Variants in INSYN2B observed in about 807,000 individuals in gnomAD.
INSYN2B encodes the protein inhibitory synaptic factor family member 2B.
INSYN2B carries 16 observed loss-of-function variants against 41.2 expected under a neutral mutation model. That is an observed-to-expected ratio of 0.39 (90% CI 0.26 to 0.59). The LOEUF (loss-of-function observed/expected upper bound fraction) is 0.59. Ranked by LOEUF, INSYN2B falls within the 20% of genes least tolerant of loss-of-function variation. The pLI is 0.57. For missense variants in INSYN2B, 608 were observed against 646.4 expected (o/e 0.94, Z 0.64); for synonymous variants, 245 against 244.4 (o/e 1.00, Z -0.02).
At chr5:169,871,906 G>A (rs1360788826) in intron 3 of INSYN2B, among the ~76,000 whole-genome samples, 2 of 152,194 alleles carry the variant, frequency 1.3e-5, no homozygotes, top group African/African-American at 4.8e-5. Flanking sequence ...CTCCTTCTAA[G>A]GAGGCAGCCT....
intron 1 of INSYN2B, among the ~76,000 whole-genome samples, chr5:169,978,603 A>G (rs1401582697): frequency 1.3e-5 from 2 of 152,062 alleles, no homozygotes; most frequent in Admixed American, 1.3e-4. Context: ...TGATCACACA[A>G]TACTGGGTTT....
At chr5:169,966,741 A>G (rs1777314797) in intron 1 of INSYN2B, among the ~76,000 whole-genome samples, 5 of 151,998 alleles carry the variant, frequency 3.3e-5, no homozygotes, top group Admixed American at 3.3e-4. Context: ...GTTTCCTACT[A>G]CCTCCATGGA....
intron 1 of INSYN2B, among the ~76,000 whole-genome samples, chr5:169,961,060 T>A (rs751159922): frequency 1.6e-4 from 25 of 152,216 alleles, no homozygotes; most frequent in Non-Finnish European, 3.5e-4. Flanking sequence ...CACCCCAGTA[T>A]ATTGCATGAG....
At chr5:169,904,593 C>G (rs754553422) in intron 1 of INSYN2B, among the ~76,000 whole-genome samples, 28 of 152,118 alleles carry the variant, frequency 1.8e-4, no homozygotes, top group Non-Finnish European at 3.4e-4. Context: ...TCATCTCATT[C>G]TCTCTCATTC....
chr5:169,877,640 A>G (rs992857761), intron 3 of INSYN2B, among the ~76,000 whole-genome samples: 2 of 152,054 alleles, frequency 1.3e-5, no homozygotes, highest in African/African-American at 4.8e-5. Flanking sequence ...GTCTGCATGT[A>G]GTTGCTTGAA....
chr5:169,971,944 A>G (rs1258253765), intron 1 of INSYN2B, among the ~76,000 whole-genome samples: 3 of 152,202 alleles, frequency 2.0e-5, no homozygotes, highest in African/African-American at 4.8e-5. Context: ...GCAATTTCTC[A>G]GTATATATAC....
intron 1 of INSYN2B, among the ~76,000 whole-genome samples, chr5:169,958,752 C>T (rs1299812004): frequency 6.6e-6 from 1 of 152,160 alleles, no homozygotes; most frequent in African/African-American, 2.4e-5. Flanking sequence ...CAATAGAGGG[C>T]ATTCAGGCAG....
chr5:169,878,485 T>G (rs1403112117), intron 3 of INSYN2B, among the ~76,000 whole-genome samples: 1 of 152,234 alleles, frequency 6.6e-6, no homozygotes, highest in Non-Finnish European at 1.5e-5. Context: ...TAAAAATGAT[T>G]GTATTCTAGC....
intron 1 of INSYN2B, among the ~76,000 whole-genome samples, chr5:169,966,525 C>A (rs1777306642): frequency 6.6e-6 from 1 of 152,178 alleles, no homozygotes; most frequent in Non-Finnish European, 1.5e-5. Context: ...GCATTACTTA[C>A]AGAGGCCTGC....
At chr5:169,924,291 CAT>C (rs1482423679) in intron 1 of INSYN2B, among the ~76,000 whole-genome samples, 1 of 152,152 alleles carries the variant, frequency 6.6e-6, no homozygotes, top group Non-Finnish European at 1.5e-5. Flanking sequence ...AAGCTTCAAA[CAT>C]ATATTTTCAA....
At chr5:169,932,983 A>G (rs942948950) in intron 1 of INSYN2B, among the ~76,000 whole-genome samples, 2 of 151,686 alleles carry the variant, frequency 1.3e-5, no homozygotes, top group African/African-American at 4.9e-5. Context: ...TTCTTAGCAC[A>G]CTCTGCCTCT....
At chr5:169,879,260 C>T (rs548560985) in intron 3 of INSYN2B, among the ~76,000 whole-genome samples, 35 of 152,280 alleles carry the variant, frequency 2.3e-4, no homozygotes, top group African/African-American at 7.5e-4. Context: ...AGAGAGATCA[C>T]GGCTTAACAA....
At chr5:169,886,513 G>T (rs540653650) in intron 1 of INSYN2B, among the ~76,000 whole-genome samples, 1 of 152,244 alleles carries the variant, frequency 6.6e-6, no homozygotes, top group African/African-American at 2.4e-5. Context: ...CTATGATAAT[G>T]GGGAGCTCAG....
intron 1 of INSYN2B, among the ~76,000 whole-genome samples, chr5:169,906,738 AG>A (rs1411334454): frequency 6.6e-6 from 1 of 152,146 alleles, no homozygotes; most frequent in Non-Finnish European, 1.5e-5. Context: ...GCCAAATCAC[AG>A]GGAAGACCAT....
At chr5:169,890,435 C>T (rs920719215) in intron 1 of INSYN2B, among the ~76,000 whole-genome samples, 4 of 152,198 alleles carry the variant, frequency 2.6e-5, no homozygotes, top group Non-Finnish European at 5.9e-5. Context: ...ATTCCATACT[C>T]ATCTGAAATC....
Position 169,961,979 on chromosome 5 carries a change from A to AAAAAAAAAAAAAAAAG in INSYN2B, c.-919+18297_-919+18298insCTTTTTTTTTTTTTTT, listed in dbSNP as rs1777106885. Among the ~76,000 whole-genome samples the AAAAAAAAAAAAAAAAG allele has an allele frequency of 2.5e-5, 2 of 79,242 alleles. 1 individual carries two copies. Among genetic ancestry groups the AAAAAAAAAAAAAAAAG allele is most frequent in the East Asian group, 7.1e-4 (2 of 2,816 alleles). 52.0% of individuals were successfully genotyped at this position (79,242 alleles called of 152,430 possible). On this transcript the variant is annotated intron_variant, in intron 1 of 3. Transcript: ENST00000377365. The stretch of plus-strand genomic sequence containing the variant: ...GGGTGAAAAAGTGAGACTCTGTCCC[A>AAAAAAAAAAAAAAAAG]AAAAAAAAAAAAAAAATGGAGAAAA...
At chr5:169,898,749 G>T (rs1482790391) in intron 1 of INSYN2B, among the ~76,000 whole-genome samples, 1 of 152,160 alleles carries the variant, frequency 6.6e-6, no homozygotes, top group Non-Finnish European at 1.5e-5. Flanking sequence ...TAGCCTGAAA[G>T]CACACATGGG....
chr5:169,941,462 G>A (rs1581449879), intron 1 of INSYN2B, among the ~76,000 whole-genome samples: 1 of 152,152 alleles, frequency 6.6e-6, no homozygotes, highest in Non-Finnish European at 1.5e-5. Context: ...TGGGAGTGGT[G>A]TAGGCACAGG....
In INSYN2B at chr5:169,923,559, T is replaced by C. The variant is rs188637186; in HGVS notation, c.-918-38743A>G. ...CCAGAAATTTATCTGTAGGCCCATA[T>C]TCATTCCTTTTTGCACATTTCTATT... On this transcript the variant is annotated intron_variant, in intron 1 of 3. Transcript: ENST00000377365. Among the ~76,000 whole-genome samples the C allele has an allele frequency of 6.6e-5, 10 of 152,298 alleles. No homozygotes were observed. In the East Asian group the frequency reaches 1.9e-3, roughly 29 times the overall value.
Sources: gnomAD v4.1 joint callset for allele counts (sites outside exome capture counted in the v4.1 genomes callset) on GRCh38, gnomAD v4.1.1 for gene constraint, MANE v1.5 for transcripts, NCBI Gene and HGNC (gene_info 2026-07-23, HGNC 2026-07-21) for gene names.